The following SLC66A2 variants were observed in gnomAD, a reference collection of about 807,000 sequenced individuals.
SLC66A2 encodes the protein PQ loop repeat containing 1.
SLC66A2 carries 23 observed loss-of-function variants against 25.5 expected under a neutral mutation model. That is an observed-to-expected ratio of 0.90 (90% CI 0.65 to 1.28). The LOEUF is 1.28. Ranked by LOEUF, SLC66A2 falls within the 50% of genes most tolerant of loss-of-function variation. SLC66A2 has a pLI of 0.00. For synonymous variants in SLC66A2, 193 were observed against 166.5 expected (o/e 1.16, Z -1.23); for missense variants, 396 against 373.1 (o/e 1.06, Z -0.51).
intron 4 of SLC66A2, among the ~76,000 whole-genome samples, chr18:79,923,372 G>A (rs1013871880): frequency 1.3e-4 from 20 of 152,014 alleles, no homozygotes; most frequent in African/African-American, 4.6e-4. Context: ...GCAGGTGGTG[G>A]ATGGGCAGGC....
At position 79,940,438 on chromosome 18, in the gene SLC66A2, GACAA is replaced by G. The variant is rs1987558678; in HGVS notation, c.337+2887_337+2890del. Among the ~76,000 whole-genome samples, 1 of 151,806 alleles carries G rather than the reference GACAA, an allele frequency of 6.6e-6. No homozygotes were observed. Among genetic ancestry groups the G allele is most frequent in the South Asian group, 2.1e-4 (1 of 4,824 alleles). ...AATAATCTGTACACTAAACCCCCGT[GACAA>G]ACAATTTACCTATATAACAAACCTG... is the stretch of plus-strand genomic sequence containing the variant. On this transcript the variant is annotated intron_variant, in intron 3 of 5. Transcript: ENST00000397778. This position sits in a 1 kb window ranked among gnomAD's most constrained non-coding sequence, Gnocchi z 4.1.
rs559060494 is a variant in SLC66A2 at position 79,937,257 on chromosome 18, G to A, written c.338-3235C>T. Among the ~76,000 whole-genome samples, 33 of 152,250 alleles carry A rather than the reference G, an allele frequency of 2.2e-4. No individual in the cohort carries two copies. Among genetic ancestry groups the A allele is most frequent in the Non-Finnish European group, 3.5e-4 (24 of 68,024 alleles). ...TAGGTCTGGGGCAGGAGATGTAGCCGCCACACGAGCACCCTGTTATACCAG... is the reference window on the plus strand; with the variant it reads ...TAGGTCTGGGGCAGGAGATGTAGCCACCACACGAGCACCCTGTTATACCAG... On this transcript the variant is annotated intron_variant, in intron 3 of 5. Coordinates refer to ENST00000397778, the MANE Select transcript of SLC66A2 (RefSeq NM_025078.5). This position sits in a 1 kb window ranked among gnomAD's most constrained non-coding sequence, Gnocchi z 5.4.
At chr18:79,943,895 A>G in intron 2 of SLC66A2, 1 of 179,592 alleles carries the variant, frequency 5.6e-6, no homozygotes, top group South Asian at 1.0e-4. Context: ...CGCCTCACCC[A>G]GTCCTGAACC....
chr18:79,910,860 A>T (rs1275675443), intron 5 of SLC66A2, among the ~76,000 whole-genome samples: 1 of 152,252 alleles, frequency 6.6e-6, no homozygotes, highest in African/African-American at 2.4e-5. Context: ...TTAACTGTGA[A>T]CAACTTTCAA....
intron 4 of SLC66A2, among the ~76,000 whole-genome samples, chr18:79,922,065 C>A (rs984611144): frequency 1.3e-5 from 2 of 150,964 alleles, no homozygotes; most frequent in African/African-American, 2.5e-5. Flanking sequence ...GGGAACTGAG[C>A]GAGGGGTCAA....
At position 79,918,422 on chromosome 18, in the gene SLC66A2, G is replaced by GC. The variant is rs1984519231; in HGVS notation, c.608+761_608+762insG. 6.6e-6 allele frequency among the ~76,000 whole-genome samples: 1 copy of GC among 150,450 alleles called. No homozygotes were observed. On this transcript the variant is annotated intron_variant, in intron 5 of 5. Coordinates refer to ENST00000397778, the MANE Select transcript of SLC66A2 (RefSeq NM_025078.5). The surrounding 1 kb of genome is among the most constrained non-coding windows in gnomAD (Gnocchi z 4.0). ...GGATCCCCAGTGAGGAGCGGGCCCG[G>GC]GGGGGGGTCCCCAGTGAGGAGCGGG...
At chr18:79,935,993 A>G (rs1231301251) in intron 3 of SLC66A2, among the ~76,000 whole-genome samples, 1 of 152,232 alleles carries the variant, frequency 6.6e-6, no homozygotes, top group Non-Finnish European at 1.5e-5. Context: ...TGGAGTAGCC[A>G]AAGAGACTGG....
rs1381940902 is a variant in SLC66A2, at chr18:79,903,347, A to C, written c.*629T>G. ...CAGCCGGGCTGGACACAGCGGATCCACAAGGCGTTCAGGCCTCGCAGCCAC... is the reference window on the plus strand; with the variant it reads ...CAGCCGGGCTGGACACAGCGGATCCCCAAGGCGTTCAGGCCTCGCAGCCAC... On this transcript the variant is annotated 3_prime_UTR_variant, in exon 6 of 6. Transcript: ENST00000397778. 1 of 152,534 alleles carries C rather than the reference A, an allele frequency of 6.6e-6. No homozygotes were observed. Among genetic ancestry groups the C allele is most frequent in the East Asian group, 1.9e-4 (1 of 5,206 alleles). 9.4% of individuals were successfully genotyped at this position (152,534 alleles called of 1,614,324 possible).
chr18:79,931,442 G>C (rs1225174918), intron 4 of SLC66A2, among the ~76,000 whole-genome samples: 5 of 152,074 alleles, frequency 3.3e-5, no homozygotes, highest in Non-Finnish European at 7.4e-5. Context: ...TGTCAAAAGA[G>C]AAAATATGCA....
rs1309134515 is a variant in SLC66A2, at chr18:79,918,217, G to T, written c.608+967C>A. On this transcript the variant is annotated intron_variant, in intron 5 of 5. Transcript: ENST00000397778. This position sits in a 1 kb window ranked among gnomAD's most constrained non-coding sequence, Gnocchi z 4.0. Reference sequence around the variant, plus strand: ...CTCAAGAGAGTGCTGTGGCCCCTGGGCACCCGTTCTCCAACACAAAAACGC... The same window carrying T: ...CTCAAGAGAGTGCTGTGGCCCCTGGTCACCCGTTCTCCAACACAAAAACGC... Among the ~76,000 whole-genome samples, 1 of 152,144 alleles carries T rather than the reference G, an allele frequency of 6.6e-6. No homozygotes were observed. The highest frequency in any genetic ancestry group is 1.9e-4 in the East Asian group (1 of 5,188).
chr18:79,908,343 A>C (rs1982439283), intron 5 of SLC66A2, among the ~76,000 whole-genome samples: 2 of 151,618 alleles, frequency 1.3e-5, no homozygotes, highest in African/African-American at 2.4e-5. Flanking sequence ...CTGAATATAG[A>C]ATTCTGGGTC....
chr18:79,926,502 G>A (rs894725778), intron 4 of SLC66A2, among the ~76,000 whole-genome samples: 3 of 151,960 alleles, frequency 2.0e-5, no homozygotes, highest in African/African-American at 4.8e-5. Context: ...AGGCACCCTC[G>A]GGACCCACAG....
intron 4 of SLC66A2, chr18:79,930,245 AT>A (rs1986430390): frequency 6.6e-6 from 1 of 152,206 alleles, no homozygotes; most frequent in Admixed American, 6.5e-5. Context: ...CCCCAATAAG[AT>A]TAACAGCTGA....
rs2123302544 is a variant in SLC66A2 at position 79,918,750 on chromosome 18, C to T, written c.608+434G>A. The stretch of plus-strand genomic sequence containing the variant: ...AGCCTTCTACCACATACCTCAGAGG[C>T]CGGAGGCCGTGCTGGGGCCAGTGGG... On this transcript the variant is annotated intron_variant, in intron 5 of 5. Coordinates refer to ENST00000397778, the MANE Select transcript of SLC66A2 (RefSeq NM_025078.5). The surrounding 1 kb of genome is among the most constrained non-coding windows in gnomAD (Gnocchi z 4.0). Among the ~76,000 whole-genome samples, 1 of 152,350 alleles carries T rather than the reference C, an allele frequency of 6.6e-6. No homozygotes were observed. Among genetic ancestry groups the T allele is most frequent in the South Asian group, 2.1e-4 (1 of 4,834 alleles).
intron 3 of SLC66A2, among the ~76,000 whole-genome samples, chr18:79,939,206 C>T (rs1026212908): frequency 5.3e-5 from 8 of 152,148 alleles, no homozygotes; most frequent in East Asian, 1.9e-4. Context: ...TTCATTAGGT[C>T]GTCTGACCAT....
rs909815104 is a variant in SLC66A2, at chr18:79,917,230, G to A, written c.608+1954C>T. On this transcript the variant is annotated intron_variant, in intron 5 of 5. Transcript: ENST00000397778. The surrounding 1 kb of genome is among the most constrained non-coding windows in gnomAD (Gnocchi z 6.0). ...ACTCGGGTTTGAAGAGGATTCCCAC[G>A]TCCCCCCAGCTGACGGGGCAGCCCC... Among the ~76,000 whole-genome samples, 3 of 152,208 alleles carry A rather than the reference G, an allele frequency of 2.0e-5. No individual in the cohort carries two copies. The highest frequency in any genetic ancestry group is 4.4e-5 in the Non-Finnish European group (3 of 68,018).
chr18:79,951,078 C>A, intron 1 of SLC66A2, 53 bp from the exon 2 acceptor site: 1 of 476,832 alleles, frequency 2.1e-6, no homozygotes, highest in Non-Finnish European at 3.3e-6. Flanking sequence ...TGGGGCGGCG[C>A]GCACGGACCC....
In SLC66A2 at chr18:79,934,039, GAGACAGAAACAGAAAGGGGAAAA is replaced by G; in HGVS notation, c.338-40_338-18del. 5 of 1,609,196 alleles carry G rather than the reference GAGACAGAAACAGAAAGGGGAAAA, an allele frequency of 3.1e-6. No homozygotes were observed. Among genetic ancestry groups the G allele is most frequent in the Non-Finnish European group, 4.2e-6 (5 of 1,177,782 alleles). ...TATCTGCAGCTACACGTTAAAAAGGGAGACAGAAACAGAAAGGGGAAAAAGACAGAAACATACTGGTTTTAACA... is the reference window on the plus strand; with the variant it reads ...TATCTGCAGCTACACGTTAAAAAGGGAGACAGAAACATACTGGTTTTAACA... On this transcript the variant is annotated intron_variant, in intron 3 of 5. Transcript: ENST00000397778.
intron 4 of SLC66A2, among the ~76,000 whole-genome samples, chr18:79,932,167 G>A (rs1362082421): frequency 1.3e-5 from 2 of 152,098 alleles, no homozygotes; most frequent in Non-Finnish European, 2.9e-5. Flanking sequence ...AAGAAATCTT[G>A]GAGTAAATTT....
Sources: allele counts gnomAD v4.1 joint callset (sites outside exome capture counted in the v4.1 genomes callset), GRCh38; gene constraint gnomAD v4.1.1; non-coding constraint Gnocchi (gnomAD v3.1); transcripts MANE v1.5; gene names NCBI Gene and HGNC (gene_info 2026-07-23, HGNC 2026-07-21).